Variants in PDE4D observed in about 807,000 individuals in gnomAD.
The protein encoded by PDE4D is 3',5'-cyclic-AMP phosphodiesterase 4D.
Under a neutral mutation model 87.4 loss-of-function variants are expected in PDE4D, and 24 were observed. The ratio of observed to expected loss-of-function variants is 0.27; its 90% CI spans 0.20 to 0.39. The LOEUF is 0.39. Ranked by LOEUF, PDE4D falls within the 10% of genes least tolerant of loss-of-function variation. The pLI is 1.00. For missense variants in PDE4D, 714 were observed against 1,041.0 expected (o/e 0.69, Z 4.32); for synonymous variants, 384 against 383.2 (o/e 1.00, Z -0.02).
At chr5:59,839,523 C>T (rs1457118029) in intron 1 of PDE4D, among the ~76,000 whole-genome samples, 1 of 151,964 alleles carries the variant, frequency 6.6e-6, no homozygotes, top group Non-Finnish European at 1.5e-5. Context: ...AAGAAAGACA[C>T]TTTCAGGACC....
At chr5:60,472,004 T>C (rs1372100037) in intron 1 of PDE4D, among the ~76,000 whole-genome samples, 3 of 152,116 alleles carry the variant, frequency 2.0e-5, no homozygotes, top group Non-Finnish European at 4.4e-5. Flanking sequence ...TTACCGATAG[T>C]TATATGGTTT....
At chr5:59,144,829 T>G (rs932571982) in intron 5 of PDE4D, among the ~76,000 whole-genome samples, 3 of 123,988 alleles carry the variant, frequency 2.4e-5, no homozygotes, top group African/African-American at 9.0e-5. Flanking sequence ...GGGTTATAAC[T>G]CGAATACACA....
At chr5:59,822,938 C>T (rs908883834) in intron 1 of PDE4D, among the ~76,000 whole-genome samples, 6 of 152,204 alleles carry the variant, frequency 3.9e-5, no homozygotes, top group Admixed American at 1.3e-4. Flanking sequence ...TGCTGAAATC[C>T]TGGCTCATCT....
At position 59,139,140 on chromosome 5, in the gene PDE4D, A is replaced by C. The variant is rs181406139; in HGVS notation, c.808+41455T>G. ...GAGTGCTTTGGAAGGAAGGGGATGC[A>C]CATGGGAGAAAGGAACCTAGAAAGG... On this transcript the variant is annotated intron_variant, in intron 5 of 14. Coordinates refer to ENST00000340635, the MANE Select transcript of PDE4D (RefSeq NM_001104631.2). 1.0e-3 allele frequency among the ~76,000 whole-genome samples: 154 copies of C among 152,336 alleles called. 2 individuals are homozygous for C. The highest frequency in any genetic ancestry group is 1.4e-3 in the Non-Finnish European group (94 of 68,024).
chr5:59,200,171 G>GTATA (rs1746735566), intron 2 of PDE4D, among the ~76,000 whole-genome samples: 1 of 129,084 alleles, frequency 7.7e-6, no homozygotes, highest in African/African-American at 2.8e-5. Flanking sequence ...AAGTATACAC[G>GTATA]TGTATGTATA....
chr5:59,426,996 TATACACAC>T (rs1795328125), intron 1 of PDE4D, among the ~76,000 whole-genome samples: 2 of 121,130 alleles, frequency 1.7e-5, no homozygotes, highest in Non-Finnish European at 3.3e-5. Context: ...AACTTGAAGC[TATACACAC>T]ACACACACAC....
chr5:60,222,589 C>T (rs1744626844), intron 1 of PDE4D, among the ~76,000 whole-genome samples: 2 of 152,218 alleles, frequency 1.3e-5, no homozygotes, highest in Admixed American at 1.3e-4. Flanking sequence ...GTTGGGTATG[C>T]CATTTCCATT....
At chr5:59,070,883 A>G (rs1228931142) in intron 5 of PDE4D, among the ~76,000 whole-genome samples, 1 of 152,150 alleles carries the variant, frequency 6.6e-6, no homozygotes, top group Non-Finnish European at 1.5e-5. Context: ...GTTATTCTCC[A>G]TGTCTCTTGC....
chr5:59,699,374 T>G (rs531265257), intron 1 of PDE4D, among the ~76,000 whole-genome samples: 9 of 152,264 alleles, frequency 5.9e-5, no homozygotes, highest in Admixed American at 4.6e-4. Context: ...TAAAAAGAGT[T>G]AGCTCTCTGG....
At chr5:59,594,314 T>G (rs1826348155) in intron 1 of PDE4D, among the ~76,000 whole-genome samples, 1 of 150,182 alleles carries the variant, frequency 6.7e-6, no homozygotes, top group Non-Finnish European at 1.5e-5. Flanking sequence ...ATTTATTTAT[T>G]TATTTATTTA....
chr5:60,228,036 C>T (rs544129769), intron 1 of PDE4D, among the ~76,000 whole-genome samples: 7 of 152,076 alleles, frequency 4.6e-5, no homozygotes, highest in South Asian at 2.1e-4. Context: ...ATGCATCTCT[C>T]CCATTGCCCA....
At chr5:59,641,435 T>A (rs1467159121) in intron 1 of PDE4D, among the ~76,000 whole-genome samples, 1 of 152,234 alleles carries the variant, frequency 6.6e-6, no homozygotes, top group Non-Finnish European at 1.5e-5. Flanking sequence ...TTCCCTCCTT[T>A]GCCACATATT....
chr5:60,053,692 G>A (rs534334879), intron 2 of PDE4D, among the ~76,000 whole-genome samples: 1 of 152,148 alleles, frequency 6.6e-6, no homozygotes, highest in Non-Finnish European at 1.5e-5. Flanking sequence ...TTGACAAATG[G>A]AATCTAATCA....
rs182410384 is a variant in PDE4D at position 59,383,917 on chromosome 5, T to C, written c.456-167949A>G. On this transcript the variant is annotated intron_variant, in intron 1 of 14. Transcript: ENST00000340635. ...TTTGTATTTGTTTTGAGATAGGGTC[T>C]CCCTCTGTCACCCAAACTGAAGAGC... Among the ~76,000 whole-genome samples the C allele has an allele frequency of 2.1e-3, 327 of 152,268 alleles. 2 individuals carry two copies. The highest frequency in any genetic ancestry group is 7.5e-3 in the African/African-American group (313 of 41,568).
chr5:60,392,700 C>T (rs1275965050), intron 1 of PDE4D, among the ~76,000 whole-genome samples: 1 of 152,170 alleles, frequency 6.6e-6, no homozygotes, highest in African/African-American at 2.4e-5. Context: ...CATTTTCTAG[C>T]CTTTTGTTAA....
At chr5:59,053,638 GTTTTTT>G (rs1561395952) in intron 5 of PDE4D, among the ~76,000 whole-genome samples, 66 of 84,662 alleles carry the variant, frequency 7.8e-4, no homozygotes, top group Non-Finnish European at 1.3e-3. Flanking sequence ...AAGTTGTTTT[GTTTTTT>G]GTTTTTTTTT....
intron 1 of PDE4D, among the ~76,000 whole-genome samples, chr5:59,705,677 C>T (rs1753281937): frequency 6.6e-6 from 1 of 152,132 alleles, no homozygotes; most frequent in Admixed American, 6.6e-5. Flanking sequence ...ATCTGGGTTA[C>T]TAATATTAAT....
chr5:60,438,750 T>G lies in PDE4D; in HGVS notation c.-90+49192A>C, dbSNP rs550742799. On this transcript the variant is annotated intron_variant, in intron 1 of 16. Transcript: ENST00000502484. Reference sequence around the variant, plus strand: ...AAGTGAGAAGAGGAAATAAACATATTAATAGGAGGAAGGTGCTTGATTGTA... The same window carrying G: ...AAGTGAGAAGAGGAAATAAACATATGAATAGGAGGAAGGTGCTTGATTGTA... Among the ~76,000 whole-genome samples the G allele has an allele frequency of 7.9e-5, 12 of 152,082 alleles. No homozygotes were observed. The South Asian group carries it at 2.5e-3, about 32-fold the overall frequency.
Position 59,649,905 on chromosome 5 carries a change from C to CTTTTTTTTTTTTTTTTTTTT in PDE4D, c.455+243243_455+243262dup, listed in dbSNP as rs1156467369. Reference sequence around the variant, plus strand: ...GTTAAAATGTTGATAGTTTGTGAACCTTTTTTTTTTTTTTTTTTTTTTTTT... The same window carrying CTTTTTTTTTTTTTTTTTTTT: ...GTTAAAATGTTGATAGTTTGTGAACCTTTTTTTTTTTTTTTTTTTTTTTTTTTTTTTTTTTTTTTTTTTTT... On this transcript the variant is annotated intron_variant, in intron 1 of 14. Transcript: ENST00000340635. 1.9e-3 allele frequency among the ~76,000 whole-genome samples: 139 copies of CTTTTTTTTTTTTTTTTTTTT among 72,436 alleles called. 4 individuals carry two copies. Among genetic ancestry groups the CTTTTTTTTTTTTTTTTTTTT allele is most frequent in the Non-Finnish European group, 2.2e-3 (91 of 42,168 alleles). 47.5% of individuals were successfully genotyped at this position (72,436 alleles called of 152,430 possible).
Sources: gnomAD v4.1 joint callset for allele counts (sites outside exome capture counted in the v4.1 genomes callset) on GRCh38, gnomAD v4.1.1 for gene constraint, MANE v1.5 for transcripts, NCBI Gene and HGNC (gene_info 2026-07-23, HGNC 2026-07-21) for gene names.